Variants in BACE1 observed in about 807,000 individuals in gnomAD.
BACE1 encodes the protein APP beta-secretase.
BACE1 carries 21 observed loss-of-function variants against 54.0 expected under a neutral mutation model. That is an observed-to-expected ratio of 0.39 (90% confidence interval 0.28 to 0.56). The LOEUF is 0.56. BACE1 is among the 20% of genes least tolerant of loss of function. The pLI is 0.63. For missense variants in BACE1, 511 were observed against 661.2 expected, an observed-to-expected ratio of 0.77 and a Z score of 2.49; for synonymous variants, 232 against 260.9, an observed-to-expected ratio of 0.89 and a Z score of 1.07.
chr11:117,313,033 C>T (rs1469176298), intron 1 of BACE1, among the ~76,000 whole-genome samples: 1 of 152,216 alleles, frequency 6.6e-6, no homozygotes, highest in Non-Finnish European at 1.5e-5. Context: ...TTGCCTAGCA[C>T]AGAGAAAGTG....
At chr11:117,290,722 G>A in intron 7 of BACE1, 63 bp from the exon 8 acceptor site, 1 of 1,593,280 alleles carries the variant, frequency 6.3e-7, no homozygotes, top group Non-Finnish European at 8.6e-7. Context: ...TCTCTGCCTT[G>A]TAGGCATCTA....
intron 1 of BACE1, among the ~76,000 whole-genome samples, chr11:117,313,363 A>C (rs1212029094): frequency 6.6e-6 from 1 of 152,224 alleles, no homozygotes; most frequent in Non-Finnish European, 1.5e-5. Context: ...TCTGCTAAGT[A>C]CTGGGCTGCA....
At chr11:117,291,679 C>A in intron 6 of BACE1, 33 bp downstream of exon 6, 2 of 1,479,962 alleles carry the variant, frequency 1.4e-6, no homozygotes, top group Admixed American at 1.7e-5. Flanking sequence ...GACACTGTAC[C>A]ATCTCTTTTA....
chr11:117,313,313 A>T (rs1177335216), intron 1 of BACE1, among the ~76,000 whole-genome samples: 1 of 152,220 alleles, frequency 6.6e-6, no homozygotes, highest in African/African-American at 2.4e-5. Context: ...TCTTCTAGAA[A>T]GGAACGAGGA....
At chr11:117,309,808 C>T (rs972135690) in intron 1 of BACE1, among the ~76,000 whole-genome samples, 1 of 152,208 alleles carries the variant, frequency 6.6e-6, no homozygotes, top group South Asian at 2.1e-4. Context: ...ATCTGTTAAA[C>T]TGAATTGACT....
In BACE1 at chr11:117,289,209, TA is replaced by T; in HGVS notation, c.*356del. On this transcript the variant is annotated 3_prime_UTR_variant, in exon 9 of 9. Transcript: ENST00000313005. ...CAAGGTAACCTGCGTGTGATGCCAG[TA>T]CTTCTGAAACTAAGAAAAGAAGAAT... The T allele has an allele frequency of 4.0e-6, 1 of 251,012 alleles. No individual in the cohort carries two copies. The allele number at this position is 251,012 out of a possible 1,614,324, so 15.5% of individuals were successfully genotyped here.
Position 117,289,628 on chromosome 11 carries a change from A to C in BACE1, c.1444T>G (p.Cys482Gly). ...TGCTGCTGGCGCAGGCAGCGGAGGC[A>C]GCGCCACTGACACACCATGAGGCAG... Reference protein sequence around the residue: ...PLCLMVCQWRCLRCLRQQHDD... With the variant: ...PLCLMVCQWRGLRCLRQQHDD... Residue 482 changes from cysteine to glycine, a missense_variant, in exon 9 of 9, where the codon TGC becomes GGC. Physicochemically the swap from Cys to Gly is radical, Grantham distance 159. This residue lies in a region of BACE1 where 407 missense variants were observed against 565.7 expected (regional missense o/e 0.72). Coordinates refer to ENST00000313005, the MANE Select transcript of BACE1 (RefSeq NM_012104.6). 6.2e-7 allele frequency: 1 copy of C among 1,614,218 alleles called. No individual in the cohort carries two copies. Among genetic ancestry groups the C allele is most frequent in the Non-Finnish European group, 8.5e-7 (1 of 1,180,040 alleles).
Position 117,315,524 on chromosome 11 carries a change from G to T in BACE1, c.261+11C>A, listed in dbSNP as rs748868589. Reference sequence around the variant, plus strand: ...CAGGCGGAGGGCTAAGGGCTGGCCTGACCACCTTACCGTCTGCGGGGGGCT... The same window carrying T: ...CAGGCGGAGGGCTAAGGGCTGGCCTTACCACCTTACCGTCTGCGGGGGGCT... On this transcript the variant is annotated intron_variant, in intron 1 of 8. Transcript: ENST00000313005. The surrounding 1 kb of genome is among the most constrained non-coding windows in gnomAD (Gnocchi z 5.5). The T allele has an allele frequency of 6.3e-7, 1 of 1,578,254 alleles. No homozygotes were observed. Among genetic ancestry groups the T allele is most frequent in the Non-Finnish European group, 8.6e-7 (1 of 1,164,958 alleles).
intron 1 of BACE1, among the ~76,000 whole-genome samples, chr11:117,303,227 CG>C (rs542058323): frequency 3.6e-4 from 55 of 152,208 alleles, no homozygotes; most frequent in South Asian, 1.2e-3. Flanking sequence ...GCCTGTGATC[CG>C]GGAGTCATCG....
At chr11:117,294,101 TG>T (rs942878636) in intron 3 of BACE1, 93 bp from the exon 4 acceptor site, 1 of 1,436,294 alleles carries the variant, frequency 7.0e-7, no homozygotes, top group South Asian at 1.4e-5. Flanking sequence ...TTTGAAGGCT[TG>T]GGGGATGCTC....
At chr11:117,305,005 C>T (rs1157017272) in intron 1 of BACE1, among the ~76,000 whole-genome samples, 4 of 150,542 alleles carry the variant, frequency 2.7e-5, no homozygotes, top group Admixed American at 1.3e-4. Context: ...CTCTGTCACC[C>T]AGGCTGTAGT....
At chr11:117,292,956 T>G in intron 5 of BACE1, 98 bp downstream of exon 5, 1 of 1,439,844 alleles carries the variant, frequency 6.9e-7, no homozygotes, top group Non-Finnish European at 9.5e-7. Context: ...CAGGTCCTAT[T>G]ACCTCTGCCT....
chr11:117,290,836 CCTGCTCA>C lies in BACE1; in HGVS notation c.1092+57_1092+63del, dbSNP rs1374805022. On this transcript the variant is annotated intron_variant, in intron 7 of 8. Coordinates refer to ENST00000313005, the MANE Select transcript of BACE1 (RefSeq NM_012104.6). ...GTCTTCCAAGTTCTGGCAAGCCATA[CCTGCTCA>C]CTGTCTCCCAGTGTGTACTTTTAAG... 8.8e-6 allele frequency: 14 copies of C among 1,583,068 alleles called. No homozygotes were observed. The South Asian group carries it at 1.5e-4, about 17-fold the overall frequency.
At chr11:117,295,881 C>T (rs906789383) in intron 2 of BACE1, among the ~76,000 whole-genome samples, 3 of 152,188 alleles carry the variant, frequency 2.0e-5, no homozygotes, top group South Asian at 2.1e-4. Flanking sequence ...TTCTGTGAAA[C>T]GTGCTCAACA....
At chr11:117,298,299 CA>C (rs546773274) in intron 1 of BACE1, among the ~76,000 whole-genome samples, 48 of 140,514 alleles carry the variant, frequency 3.4e-4, no homozygotes, top group South Asian at 1.1e-3. Flanking sequence ...CACTCCGTCT[CA>C]AAAAAAAAAA....
intron 1 of BACE1, among the ~76,000 whole-genome samples, chr11:117,300,919 CCT>C (rs570995839): frequency 8.5e-5 from 13 of 152,116 alleles, no homozygotes; most frequent in Non-Finnish European, 1.5e-4. Flanking sequence ...CCTCCAGTCC[CCT>C]CTCTCCTCTC....
chr11:117,298,825 G>T (rs1196385532), intron 1 of BACE1, among the ~76,000 whole-genome samples: 1 of 151,948 alleles, frequency 6.6e-6, no homozygotes, highest in Non-Finnish European at 1.5e-5. Context: ...TTTTTTTTGA[G>T]ATGGAGTTTC....
intron 1 of BACE1, among the ~76,000 whole-genome samples, chr11:117,300,033 G>A (rs1034310407): frequency 6.6e-6 from 1 of 152,004 alleles, no homozygotes; most frequent in African/African-American, 2.4e-5. Context: ...GCCCCTCCCT[G>A]CCTCCCCCTT....
intron 1 of BACE1, among the ~76,000 whole-genome samples, chr11:117,305,278 G>A (rs1008593291): frequency 5.9e-5 from 9 of 152,112 alleles, no homozygotes; most frequent in Admixed American, 3.9e-4. Context: ...AGAAAAGGGG[G>A]CAAGGAAGGA....
Sources: gnomAD v4.1 joint callset for allele counts (sites outside exome capture counted in the v4.1 genomes callset) on GRCh38, gnomAD v4.1.1 for gene constraint, gnomAD v4.1.1 regional missense constraint, Gnocchi (gnomAD v3.1) non-coding constraint, MANE v1.5 for transcripts, NCBI Gene and HGNC (gene_info 2026-07-23, HGNC 2026-07-21) for gene names.